EPN2: variants seen among roughly 807,000 people sequenced by gnomAD.
EPN2 encodes epsin-2.
In EPN2, 34 loss-of-function variants were observed where a neutral mutation model predicts 61.7. The ratio of observed to expected loss-of-function variants is 0.55; its 90% CI spans 0.42 to 0.73. The LOEUF (loss-of-function observed/expected upper bound fraction) is 0.73, where lower values mean the gene tolerates loss of function less well. EPN2 is among the 30% of genes least tolerant of loss of function. EPN2 has a pLI of 0.00. For missense variants in EPN2, 714 were observed against 839.2 expected, an observed-to-expected ratio of 0.85 and a Z score of 1.84; for synonymous variants, 349 against 353.6, an observed-to-expected ratio of 0.99 and a Z score of 0.15.
At chr17:19,238,136 G>A (rs1226978487) in intron 1 of EPN2, among the ~76,000 whole-genome samples, 5 of 152,220 alleles carry the variant, frequency 3.3e-5, no homozygotes. Flanking sequence ...CCACTCCCAC[G>A]GAACAGCGGG....
At chr17:19,291,651 A>C (rs1434264496) in intron 4 of EPN2, among the ~76,000 whole-genome samples, 1 of 151,928 alleles carries the variant, frequency 6.6e-6, no homozygotes, top group South Asian at 2.1e-4. Context: ...CGTGTTAGCC[A>C]TGATGGTCTT....
In EPN2 at chr17:19,308,705, A is replaced by G. The variant is rs1905975294; in HGVS notation, c.767-1180A>G. Reference sequence around the variant, plus strand: ...AGTAGCTCCAAATCTCTCAGAGGGCAGGTCTTGTTCTGAGAGTTTTAGAGA... The same window carrying G: ...AGTAGCTCCAAATCTCTCAGAGGGCGGGTCTTGTTCTGAGAGTTTTAGAGA... On this transcript the variant is annotated intron_variant, in intron 4 of 10. Coordinates refer to ENST00000314728, the MANE Select transcript of EPN2 (RefSeq NM_014964.5). 7.1e-6 allele frequency: 7 copies of G among 983,626 alleles called. No homozygotes were observed. In the South Asian group the frequency reaches 2.4e-4, roughly 33 times the overall value. The allele number at this position is 983,626 out of a possible 1,614,324, so 60.9% of individuals were successfully genotyped here. A position where few individuals can be genotyped will look rare whatever the true frequency, so the allele number is the denominator to read the frequency against.
chr17:19,262,482 AAAAAC>A (rs1402257115), intron 1 of EPN2, among the ~76,000 whole-genome samples: 7 of 152,226 alleles, frequency 4.6e-5, no homozygotes, highest in Admixed American at 2.0e-4. Flanking sequence ...ACTCCATCTC[AAAAAC>A]AAAACAAAAC....
chr17:19,313,477 T>C (rs763581599), intron 7 of EPN2, 198 bp downstream of exon 7: 1 of 443,420 alleles, frequency 2.3e-6, no homozygotes, highest in Non-Finnish European at 3.9e-6. Flanking sequence ...CCTCTTTGTT[T>C]TGAGTGGTTT....
intron 7 of EPN2, among the ~76,000 whole-genome samples, chr17:19,314,633 C>T (rs565288113): frequency 3.3e-5 from 5 of 152,318 alleles, no homozygotes; most frequent in South Asian, 4.1e-4. Flanking sequence ...GCCTCTGTAA[C>T]CCAGGCAGGG....
intron 4 of EPN2, among the ~76,000 whole-genome samples, chr17:19,295,050 C>T (rs1452000844): frequency 2.0e-5 from 3 of 152,106 alleles, no homozygotes; most frequent in Admixed American, 2.0e-4. Flanking sequence ...AAATCTCTCT[C>T]TGTATCATAT....
chr17:19,294,606 A>G (rs1332262828), intron 4 of EPN2, among the ~76,000 whole-genome samples: 2 of 152,354 alleles, frequency 1.3e-5, no homozygotes, highest in Middle Eastern at 3.4e-3. Context: ...GGTTGAGTTT[A>G]GCAACAGTAT....
chr17:19,325,169 A>G (rs976961018), intron 7 of EPN2, among the ~76,000 whole-genome samples: 1 of 152,230 alleles, frequency 6.6e-6, no homozygotes, highest in Non-Finnish European at 1.5e-5. Context: ...AGTACTAACA[A>G]TATTCAAGAA....
chr17:19,315,028 T>C (rs1330806283), intron 7 of EPN2, among the ~76,000 whole-genome samples: 1 of 152,158 alleles, frequency 6.6e-6, no homozygotes, highest in Non-Finnish European at 1.5e-5. Flanking sequence ...GCCAGGTGGG[T>C]TTAATAGAGT....
At chr17:19,240,004 T>C (rs932462783) in intron 1 of EPN2, among the ~76,000 whole-genome samples, 1 of 152,056 alleles carries the variant, frequency 6.6e-6, no homozygotes, top group Admixed American at 6.6e-5. Flanking sequence ...TTAACTTTAA[T>C]TAGGAGGAGC....
rs751847236 is a variant in EPN2 at position 19,313,191 on chromosome 17, C to T, written c.1059C>T (p.Pro353=). The change falls in exon 7 of 11, where the codon CCC becomes CCT. Residue 353 remains proline, a synonymous_variant. Transcript: ENST00000314728. The part of the protein sequence containing the change: ...SSGPAAQKAE[P]WGPSASTNQT... ...GCCCCGCGGCCCAGAAAGCAGAGCC[C>T]TGGGGCCCGTCAGCCTCCACTAACC... The T allele has an allele frequency of 6.2e-7, 1 of 1,612,732 alleles. No homozygotes were observed. The highest frequency in any genetic ancestry group is 1.7e-5 in the Admixed American group (1 of 59,724).
Position 19,331,982 on chromosome 17 carries a change from GC to G in EPN2, c.1545del (p.Asn516ThrfsTer5). ...CGGAAAACACCTGAGTCCTTCCTGG[GC>G]CCCAACGCGGCCCTGGTGAACCTGG... is the stretch of plus-strand genomic sequence containing the variant. Reference protein sequence around the residue: ...SARKTPESFLGPNAALVNLDS... With the variant: ...SARKTPESFLXPNAALVNLDS... On this transcript the variant is annotated frameshift_variant, in exon 10 of 11. Transcript: ENST00000314728. LOFTEE classifies it high-confidence loss of function. The G allele has an allele frequency of 6.2e-7, 1 of 1,614,056 alleles. No homozygotes were observed. The highest frequency in any genetic ancestry group is 8.5e-7 in the Non-Finnish European group (1 of 1,180,014).
At position 19,334,422 on chromosome 17, in the gene EPN2, G is replaced by A. The variant is rs150226519; in HGVS notation, c.*168G>A. ...TTACAGCCCCAACCCTCAGACCCTCGCCTTCCAAGGCAGGCCCCTCAGCCT... is the reference window on the plus strand; with the variant it reads ...TTACAGCCCCAACCCTCAGACCCTCACCTTCCAAGGCAGGCCCCTCAGCCT... On this transcript the variant is annotated 3_prime_UTR_variant, in exon 11 of 11. Coordinates refer to ENST00000314728, the MANE Select transcript of EPN2 (RefSeq NM_014964.5). The surrounding 1 kb of genome is among the most constrained non-coding windows in gnomAD (Gnocchi z 4.9). 13 of 489,842 alleles carry A rather than the reference G, an allele frequency of 2.7e-5. No homozygotes were observed. The highest frequency in any genetic ancestry group is 3.5e-5 in the East Asian group (1 of 28,848). The allele number at this position is 489,842 out of a possible 1,614,324, so 30.3% of individuals were successfully genotyped here. A position where few individuals can be genotyped will look rare whatever the true frequency, so the allele number is the denominator to read the frequency against.
At position 19,313,091 on chromosome 17, in the gene EPN2, CTT is replaced by C; in HGVS notation, c.973-12_973-11del. The C allele has an allele frequency of 6.2e-7, 1 of 1,611,874 alleles. No homozygotes were observed. The highest frequency in any genetic ancestry group is 1.1e-5 in the South Asian group (1 of 90,916). On this transcript the variant is annotated splice_polypyrimidine_tract_variant and intron_variant, in intron 6 of 10. Transcript: ENST00000314728. ...AGCATAGTAAAACCTGTCCCCTTCT[CTT>C]TGTCTTAAAAGCATGGCTCTCTCCC...
chr17:19,309,921 C>T lies in EPN2; in HGVS notation c.803C>T (p.Ala268Val). Residue 268 changes from alanine to valine, a missense_variant, in exon 5 of 11, where the codon GCC (alanine) becomes GTC (valine). By Grantham distance (64) the Ala-to-Val change is moderately conservative. This residue lies in a region of EPN2 where 304 missense variants were observed against 417.4 expected (regional missense o/e 0.73). Transcript: ENST00000314728. ...CGAGTGTCCTCCGAGCTGGAGCAAG[C>T]CCGGCCCCAGACTAGTGGAGAAGAG... Reference protein sequence around the residue: ...SPRVSSELEQARPQTSGEEEL... With the variant: ...SPRVSSELEQVRPQTSGEEEL... 1 of 1,609,192 alleles carries T rather than the reference C, an allele frequency of 6.2e-7. No individual in the cohort carries two copies. The highest frequency in any genetic ancestry group is 8.5e-7 in the Non-Finnish European group (1 of 1,179,994).
chr17:19,316,946 A>T (rs748618448), intron 7 of EPN2, among the ~76,000 whole-genome samples: 3 of 152,234 alleles, frequency 2.0e-5, no homozygotes, highest in Non-Finnish European at 2.9e-5. Context: ...GCGTGTTAGC[A>T]CACCCTCTGC....
At chr17:19,280,281 C>T (rs1162596058) in intron 1 of EPN2, among the ~76,000 whole-genome samples, 1 of 152,200 alleles carries the variant, frequency 6.6e-6, no homozygotes, top group Non-Finnish European at 1.5e-5. Context: ...ACATTAAGTA[C>T]CTCTGAACAT....
rs1325058249 is a variant in EPN2 at position 19,334,130 on chromosome 17, C to G, written c.1802C>G (p.Ala601Gly). 1.9e-6 allele frequency: 3 copies of G among 1,606,104 alleles called. No homozygotes were observed. The highest frequency in any genetic ancestry group is 2.7e-5 in the African/African-American group (2 of 74,960). Residue 601 changes from alanine to glycine, a missense_variant, in exon 11 of 11, where the codon GCT becomes GGT. Ala to Gly is a moderately conservative substitution (Grantham distance 60, BLOSUM62 0). This residue lies in a region of EPN2 where 410 missense variants were observed against 421.8 expected (regional missense o/e 0.97). Coordinates refer to ENST00000314728, the MANE Select transcript of EPN2 (RefSeq NM_014964.5). The surrounding 1 kb of genome is among the most constrained non-coding windows in gnomAD (Gnocchi z 4.9). ...ATGACCTCCGCGGCCCCACAGCCAGCTCTGGGGGCCACTGGTTCCTCTCTG... is the reference window on the plus strand; with the variant it reads ...ATGACCTCCGCGGCCCCACAGCCAGGTCTGGGGGCCACTGGTTCCTCTCTG... Reference protein sequence around the residue: ...ASMTSAAPQPALGATGSSLTP... With the variant: ...ASMTSAAPQPGLGATGSSLTP...
intron 1 of EPN2, among the ~76,000 whole-genome samples, chr17:19,266,550 C>T (rs1056462191): frequency 6.6e-6 from 1 of 151,888 alleles, no homozygotes; most frequent in Non-Finnish European, 1.5e-5. Flanking sequence ...CTACAGGCGC[C>T]CGCTACCACG....
Sources: gnomAD v4.1 joint callset for allele counts (sites outside exome capture counted in the v4.1 genomes callset) on GRCh38, gnomAD v4.1.1 for gene constraint, gnomAD v4.1.1 regional missense constraint, Gnocchi (gnomAD v3.1) non-coding constraint, MANE v1.5 for transcripts, NCBI Gene and HGNC (gene_info 2026-07-23, HGNC 2026-07-21) for gene names.